Variants in ESRRB observed in about 807,000 individuals in gnomAD.
The protein encoded by ESRRB is steroid hormone receptor ERR2.
Under a neutral mutation model 46.0 loss-of-function variants are expected in ESRRB, and 16 were observed. The ratio of observed to expected loss-of-function variants is 0.35; its 90% confidence interval spans 0.24 to 0.53. The LOEUF (loss-of-function observed/expected upper bound fraction) is 0.53. ESRRB is among the 20% of genes least tolerant of loss of function. The probability of loss-of-function intolerance (pLI) is 0.93; values close to 1 mark genes in which losing one functional copy is unlikely to be tolerated. For missense variants in ESRRB, 488 were observed against 607.4 expected (o/e 0.80, Z 2.07); for synonymous variants, 246 against 259.6 (o/e 0.95, Z 0.50).
At chr14:76,384,377 T>C (rs1885134441) in intron 1 of ESRRB, among the ~76,000 whole-genome samples, 1 of 152,192 alleles carries the variant, frequency 6.6e-6, no homozygotes, top group South Asian at 2.1e-4. Context: ...ATTTTTCTCA[T>C]AGTAGCTGGA....
intron 1 of ESRRB, among the ~76,000 whole-genome samples, chr14:76,364,217 T>C (rs977347980): frequency 1.3e-5 from 2 of 152,278 alleles, no homozygotes; most frequent in East Asian, 1.9e-4. Flanking sequence ...AACCATATGA[T>C]TGAATAAGAA....
At chr14:76,429,558 C>A (rs1470405376) in intron 1 of ESRRB, among the ~76,000 whole-genome samples, 4 of 152,176 alleles carry the variant, frequency 2.6e-5, no homozygotes, top group African/African-American at 9.6e-5. Context: ...CCAGACCAGC[C>A]TGACCAACAT....
At chr14:76,467,511 A>C (rs1889169598) in intron 3 of ESRRB, among the ~76,000 whole-genome samples, 12 of 151,670 alleles carry the variant, frequency 7.9e-5, no homozygotes, top group Admixed American at 7.9e-4. Flanking sequence ...AAAAAAAAAA[A>C]AAAAAAAAAA....
rs568247981 is a variant in ESRRB, at chr14:76,499,919, T to C, written c.*1461T>C. The C allele has an allele frequency of 1.9e-6, 3 of 1,614,124 alleles. No individual in the cohort carries two copies. Among genetic ancestry groups the C allele is most frequent in the Non-Finnish European group, 2.5e-6 (3 of 1,180,026 alleles). On this transcript the variant is annotated 3_prime_UTR_variant, in exon 7 of 7. Coordinates refer to ENST00000644823, the MANE Select transcript of ESRRB (RefSeq NM_001379180.1). ...AGGATGAAAGAATGTCAAGCCATGA[T>C]GGAAAATGCCCCTTCCAATCAGCTG...
At chr14:76,413,039 G>A (rs1397446545) in intron 1 of ESRRB, among the ~76,000 whole-genome samples, 3 of 152,192 alleles carry the variant, frequency 2.0e-5, no homozygotes, top group Non-Finnish European at 4.4e-5. Context: ...AGCCAGCTGA[G>A]TAACTGGTCA....
At chr14:76,477,073 C>T (rs1889613222) in intron 3 of ESRRB, among the ~76,000 whole-genome samples, 1 of 152,212 alleles carries the variant, frequency 6.6e-6, no homozygotes, top group South Asian at 2.1e-4. Flanking sequence ...GCCTGGGCCA[C>T]AGAGTGAGAG....
Position 76,485,542 on chromosome 14 carries a change from A to T in ESRRB, c.850+2783A>T, listed in dbSNP as rs376948521. Among the ~76,000 whole-genome samples, 125 of 152,060 alleles carry T rather than the reference A, an allele frequency of 8.2e-4. 1 individual carries two copies. The South Asian group carries it at 0.017, about 21-fold the overall frequency. ...TAGGCGTGAGCCACCGTGCCTGGCC[A>T]GGTGCCTGATATTTTTAAACTAATC... On this transcript the variant is annotated intron_variant, in intron 5 of 6. Transcript: ENST00000644823.
At chr14:76,343,651 C>G (rs1332135326) in intron 1 of ESRRB, among the ~76,000 whole-genome samples, 1 of 152,200 alleles carries the variant, frequency 6.6e-6, no homozygotes, top group Non-Finnish European at 1.5e-5. Context: ...GGCCCCTCCA[C>G]GGGGCTGCTT....
chr14:76,468,390 GC>G (rs11310778), intron 3 of ESRRB, among the ~76,000 whole-genome samples: 12,539 of 100,986 alleles, frequency 0.12, 1,008 homozygotes, highest in African/African-American at 0.23. Context: ...TACACACACT[GC>G]CCCCCCCCCA....
chr14:76,433,909 T>C (rs1301792102), intron 1 of ESRRB, among the ~76,000 whole-genome samples: 3 of 152,040 alleles, frequency 2.0e-5, no homozygotes, highest in African/African-American at 7.2e-5. Flanking sequence ...CCCACACCTC[T>C]GGTTACATCT....
intron 2 of ESRRB, among the ~76,000 whole-genome samples, chr14:76,444,688 A>T (rs968940208): frequency 2.0e-5 from 3 of 152,160 alleles, no homozygotes; most frequent in African/African-American, 7.2e-5. Context: ...CGCCTGGCCC[A>T]GGTAGCTGCA....
chr14:76,313,456 C>G (rs1883762316), intron 1 of ESRRB, among the ~76,000 whole-genome samples: 1 of 152,054 alleles, frequency 6.6e-6, no homozygotes, highest in Admixed American at 6.5e-5. Context: ...TGTGCATGCA[C>G]TGTTGTTTTA....
intron 2 of ESRRB, among the ~76,000 whole-genome samples, chr14:76,449,278 ATGG>A (rs1207709292): frequency 3.7e-4 from 57 of 152,154 alleles, no homozygotes; most frequent in Non-Finnish European, 4.4e-5. Context: ...CAGGCCAGGC[ATGG>A]TGGCTCATGC....
At chr14:76,490,016 C>T (rs189497048) in intron 5 of ESRRB, among the ~76,000 whole-genome samples, 2 of 152,216 alleles carry the variant, frequency 1.3e-5, no homozygotes, top group Non-Finnish European at 2.9e-5. Flanking sequence ...TCTCTTTTCG[C>T]CCCCACAGCA....
intron 1 of ESRRB, among the ~76,000 whole-genome samples, chr14:76,435,143 C>T (rs1257417745): frequency 6.6e-6 from 1 of 152,200 alleles, no homozygotes; most frequent in Non-Finnish European, 1.5e-5. Flanking sequence ...GCTAGTATCG[C>T]CCAGCCTCTG....
intron 2 of ESRRB, among the ~76,000 whole-genome samples, chr14:76,445,707 C>CA (rs1471636551): frequency 5.1e-5 from 7 of 136,298 alleles, no homozygotes; most frequent in Admixed American, 3.8e-4. Context: ...TTTTTTGAGA[C>CA]AGAGTCTCGC....
At chr14:76,356,088 C>T (rs1884375662) in intron 1 of ESRRB, among the ~76,000 whole-genome samples, 1 of 152,242 alleles carries the variant, frequency 6.6e-6, no homozygotes, top group East Asian at 1.9e-4. Context: ...CTGTCATTGA[C>T]ATGACCTGCT....
At chr14:76,466,863 A>G (rs1889135835) in intron 3 of ESRRB, among the ~76,000 whole-genome samples, 1 of 152,060 alleles carries the variant, frequency 6.6e-6, no homozygotes, top group Non-Finnish European at 1.5e-5. Context: ...AGCTGAGACT[A>G]CAAGTGTGCA....
chr14:76,348,305 C>T lies in ESRRB; in HGVS notation c.2+37389C>T, dbSNP rs114248050. 9.1e-3 allele frequency among the ~76,000 whole-genome samples: 1,387 copies of T among 152,222 alleles called. 17 individuals carry two copies. The highest frequency in any genetic ancestry group is 0.032 in the African/African-American group (1,327 of 41,514). On this transcript the variant is annotated intron_variant, in intron 1 of 6. Transcript: ENST00000512784. The stretch of plus-strand genomic sequence containing the variant: ...CCAGCCCTGTGGTGGGTGTCTGGGG[C>T]TTGAGACTGTTAGTTTCCATAGACT...
Sources: gnomAD v4.1 joint callset for allele counts (sites outside exome capture counted in the v4.1 genomes callset) on GRCh38, gnomAD v4.1.1 for gene constraint, MANE v1.5 for transcripts, NCBI Gene and HGNC (gene_info 2026-07-23, HGNC 2026-07-21) for gene names.